Variants in SORCS2 observed in about 807,000 individuals in gnomAD.
The protein encoded by SORCS2 is sortilin related VPS10 domain containing receptor 2, also known as VPS10 domain-containing receptor SorCS2.
SORCS2 carries 100 observed loss-of-function variants against 141.6 expected under a neutral mutation model. The ratio of observed to expected loss-of-function variants is 0.71; its 90% CI spans 0.60 to 0.83. The LOEUF is 0.83. Ranked by LOEUF, SORCS2 falls within the 40% of genes least tolerant of loss-of-function variation. The pLI, the probability that SORCS2 is intolerant of heterozygous loss-of-function variation, is 0.00. For missense variants in SORCS2, 1,646 were observed against 1,560.2 expected (o/e 1.05, Z -0.93); for synonymous variants, 789 against 676.9 (o/e 1.17, Z -2.57).
At chr4:7,294,491 C>CTGCCCCAGGGAGCTCCTCCTCCA (rs547369799) in intron 1 of SORCS2, among the ~76,000 whole-genome samples, 37 of 151,864 alleles carry the variant, frequency 2.4e-4, no homozygotes, top group Admixed American at 7.8e-4. Context: ...TGCAGAGCAC[C>CTGCCCCAGGGAGCTCCTCCTCCA]TGCCCCAGGG....
At position 7,473,767 on chromosome 4, in the gene SORCS2, G is replaced by A. The variant is rs545526940; in HGVS notation, c.549-57763G>A. On this transcript the variant is annotated intron_variant, in intron 2 of 26. Transcript: ENST00000507866. ...AATGGGGAGGTGGGAGGGTGGGCGC[G>A]GTCCTGGCATGGGGTCACCAGGGAC... is the stretch of plus-strand genomic sequence containing the variant. 8.4e-4 allele frequency among the ~76,000 whole-genome samples: 128 copies of A among 152,252 alleles called. 1 individual carries two copies. The highest frequency in any genetic ancestry group is 1.4e-3 in the East Asian group (7 of 5,178).
At chr4:7,243,524 C>T (rs1560135519) in intron 1 of SORCS2, among the ~76,000 whole-genome samples, 1 of 152,180 alleles carries the variant, frequency 6.6e-6, no homozygotes, top group Non-Finnish European at 1.5e-5. Flanking sequence ...CCAGAACCCT[C>T]TCCCGGCAGA....
intron 5 of SORCS2, among the ~76,000 whole-genome samples, chr4:7,660,702 G>C (rs890131460): frequency 1.5e-4 from 23 of 152,224 alleles, no homozygotes; most frequent in African/African-American, 5.3e-4. Context: ...TCTGTCCCTA[G>C]TGGGGTCACC....
chr4:7,301,686 G>C (rs1010181716), intron 1 of SORCS2, among the ~76,000 whole-genome samples: 3 of 152,194 alleles, frequency 2.0e-5, no homozygotes, highest in Admixed American at 6.5e-5. Flanking sequence ...GTGAATCTTT[G>C]TGGCCCCAGC....
chr4:7,198,448 GTGCGTTACTCTGGAATTCTAGGCCCACA>G (rs1393713467), intron 1 of SORCS2, among the ~76,000 whole-genome samples: 2 of 152,198 alleles, frequency 1.3e-5, no homozygotes, highest in Admixed American at 6.5e-5. Context: ...TGAACTTGCT[GTGCGTTACTCTGGAATTCTAGGCCCACA>G]TGGTGTGGGC....
At chr4:7,208,436 C>T (rs371097833) in intron 1 of SORCS2, among the ~76,000 whole-genome samples, 94 of 152,274 alleles carry the variant, frequency 6.2e-4, no homozygotes, top group African/African-American at 2.1e-3. Flanking sequence ...CTGCCCTCTG[C>T]CCTTTCTTTC....
intron 1 of SORCS2, among the ~76,000 whole-genome samples, chr4:7,371,955 G>C (rs1046337970): frequency 6.6e-6 from 1 of 152,224 alleles, no homozygotes; most frequent in Non-Finnish European, 1.5e-5. Context: ...TCGTGGGGCC[G>C]GTGGGGGAGT....
Position 7,728,476 on chromosome 4 carries a change from G to T in SORCS2, c.2982+14G>T, listed in dbSNP as rs745306271. ...CTGCTCTCCAAGGTGTCCACCCAGA[G>T]CCTAGAGCCTCCCCAGCCCCACGGT... On this transcript the variant is annotated intron_variant, in intron 22 of 26. Transcript: ENST00000507866. 1.1e-5 allele frequency: 17 copies of T among 1,588,908 alleles called. No individual in the cohort carries two copies. The highest frequency in any genetic ancestry group is 1.5e-5 in the Non-Finnish European group (17 of 1,163,924).
intron 1 of SORCS2, among the ~76,000 whole-genome samples, chr4:7,268,055 G>T (rs115706211): frequency 6.6e-6 from 1 of 152,204 alleles, no homozygotes; most frequent in Non-Finnish European, 1.5e-5. Flanking sequence ...TGGGGTTCTG[G>T]TTGTCTACAC....
At position 7,193,063 on chromosome 4, in the gene SORCS2, C is replaced by T. The variant is rs368348586; in HGVS notation, c.417C>T (p.Phe139=). The change falls in exon 1 of 27, where the codon TTC becomes TTT. Residue 139 remains phenylalanine, a synonymous_variant. Coordinates refer to ENST00000507866, the MANE Select transcript of SORCS2 (RefSeq NM_020777.3). The surrounding 1 kb of genome is among the most constrained non-coding windows in gnomAD (Gnocchi z 4.8). ...RAQVSLISTS[F]VLKGDATHNQ... is the part of the protein sequence containing the mutation. ...AGGTCTCGCTCATCAGCACGTCGTTCGTGCTCAAGGGGGACGCGACGCACA... is the reference window on the plus strand; with the variant it reads ...AGGTCTCGCTCATCAGCACGTCGTTTGTGCTCAAGGGGGACGCGACGCACA... The T allele has an allele frequency of 1.1e-3, 1,675 of 1,552,938 alleles. 2 individuals are homozygous for T. The highest frequency in any genetic ancestry group is 1.4e-3 in the Non-Finnish European group (1,611 of 1,159,962).
chr4:7,497,470 A>C (rs1182516422), intron 2 of SORCS2, among the ~76,000 whole-genome samples: 2 of 152,222 alleles, frequency 1.3e-5, no homozygotes, highest in Admixed American at 1.3e-4. Flanking sequence ...TCCTAGGAGC[A>C]GCCCAGCTCC....
chr4:7,263,556 G>A lies in SORCS2; in HGVS notation c.480+70430G>A, dbSNP rs141228595. On this transcript the variant is annotated intron_variant, in intron 1 of 26. Transcript: ENST00000507866. ...TGTGAACTTGGTGTGGAGTTCCCAC[G>A]GACTCCTTCCTGGCTCCAGGTTCTC... 1.8e-4 allele frequency among the ~76,000 whole-genome samples: 28 copies of A among 152,286 alleles called. No homozygotes were observed. The East Asian group carries it at 2.3e-3, about 13-fold the overall frequency.
chr4:7,683,346 G>C (rs1723667513), intron 10 of SORCS2, among the ~76,000 whole-genome samples: 1 of 144,898 alleles, frequency 6.9e-6, no homozygotes, highest in South Asian at 2.2e-4. Flanking sequence ...GCTCCGCTGA[G>C]CGGCTCTGCT....
At chr4:7,718,253 G>A (rs1560108874) in intron 18 of SORCS2, 70 bp downstream of exon 18, 4 of 1,535,756 alleles carry the variant, frequency 2.6e-6, no homozygotes, top group Non-Finnish European at 3.5e-6. Flanking sequence ...GCACGCAGAA[G>A]GCACGGTGAG....
intron 1 of SORCS2, among the ~76,000 whole-genome samples, chr4:7,325,103 A>T (rs1397236841): frequency 6.6e-6 from 1 of 152,214 alleles, no homozygotes; most frequent in Admixed American, 6.5e-5. Flanking sequence ...GCTCATCTGC[A>T]TCATCTCCCC....
intron 2 of SORCS2, chr4:7,433,246 A>C (rs566624975): frequency 1.5e-6 from 2 of 1,311,658 alleles, no homozygotes; most frequent in African/African-American, 3.0e-5. Context: ...TCATTTGTGA[A>C]ATGGGGATGG....
chr4:7,376,649 T>G (rs1722675431), intron 1 of SORCS2, among the ~76,000 whole-genome samples: 1 of 152,222 alleles, frequency 6.6e-6, no homozygotes. Flanking sequence ...TCAGGCATAT[T>G]TTTTTCTGGT....
At chr4:7,456,926 C>G (rs975284657) in intron 2 of SORCS2, among the ~76,000 whole-genome samples, 10 of 149,384 alleles carry the variant, frequency 6.7e-5, no homozygotes, top group African/African-American at 2.4e-4. Context: ...CGCTCCATTT[C>G]ACCCCTGGTT....
chr4:7,700,858 T>A, intron 12 of SORCS2, among the ~76,000 whole-genome samples: 1 of 152,210 alleles, frequency 6.6e-6, no homozygotes, highest in East Asian at 1.9e-4. Context: ...GGGCAAGATG[T>A]CCACAGACAG....
Sources: allele counts gnomAD v4.1 joint callset (sites outside exome capture counted in the v4.1 genomes callset), GRCh38; gene constraint gnomAD v4.1.1; non-coding constraint Gnocchi (gnomAD v3.1); transcripts MANE v1.5; gene names NCBI Gene and HGNC (gene_info 2026-07-23, HGNC 2026-07-21).